STARD13: variants seen among roughly 807,000 people sequenced by gnomAD.
STARD13 encodes the protein StAR related lipid transfer domain containing 13, also known as stAR-related lipid transfer protein 13.
Under a neutral mutation model 106.4 loss-of-function variants are expected in STARD13, and 62 were observed. The observed-to-expected ratio is 0.58, with a 90% CI of 0.48 to 0.72. STARD13 has a LOEUF of 0.72. Ranked by LOEUF, STARD13 falls within the 30% of genes least tolerant of loss-of-function variation. STARD13 has a pLI of 0.00. For synonymous variants in STARD13, 565 were observed against 553.0 expected, an observed-to-expected ratio of 1.02 and a Z score of -0.31; for missense variants, 1,387 against 1,424.0, an observed-to-expected ratio of 0.97 and a Z score of 0.42.
chr13:33,513,328 TAAG>T, the STARD13 span, among the ~76,000 whole-genome samples: 1 of 152,092 alleles, frequency 6.6e-6, no homozygotes, highest in Non-Finnish European at 1.5e-5. Flanking sequence ...TAGAAGAAAA[TAAG>T]AAGACACTTG....
the STARD13 span, among the ~76,000 whole-genome samples, chr13:33,433,924 A>G: frequency 6.6e-6 from 1 of 152,018 alleles, no homozygotes; most frequent in Non-Finnish European, 1.5e-5. Flanking sequence ...CACAATGCCC[A>G]CTCAATAAAT....
At chr13:33,436,613 A>G in the STARD13 span, among the ~76,000 whole-genome samples, 1 of 152,228 alleles carries the variant, frequency 6.6e-6, no homozygotes, top group Non-Finnish European at 1.5e-5. Context: ...CATAATAGGC[A>G]TAAACTGGGA....
chr13:33,322,311 C>G (rs538014008), intron 1 of STARD13, among the ~76,000 whole-genome samples: 5 of 152,296 alleles, frequency 3.3e-5, no homozygotes, highest in East Asian at 1.9e-4. Flanking sequence ...CTAACATGAG[C>G]CTTCCAAACA....
rs376129084 is a variant in STARD13, at chr13:33,145,211, C to T, written c.324-2838G>A. Among the ~76,000 whole-genome samples, 67 of 152,264 alleles carry T rather than the reference C, an allele frequency of 4.4e-4. No homozygotes were observed. The South Asian group carries it at 0.012, about 28-fold the overall frequency. ...TCAAACAACCTGATTTTCAAATGGG[C>T]AGAATATTCAAACAGATACTTCTAA... is the stretch of plus-strand genomic sequence containing the variant. On this transcript the variant is annotated intron_variant, in intron 3 of 13. Coordinates refer to ENST00000336934, the MANE Select transcript of STARD13 (RefSeq NM_178006.4).
intron 1 of STARD13, among the ~76,000 whole-genome samples, chr13:33,267,497 G>A (rs997798947): frequency 6.6e-6 from 1 of 152,180 alleles, no homozygotes; most frequent in Non-Finnish European, 1.5e-5. Flanking sequence ...CTCAGAGCCT[G>A]TTTAAGGTCC....
the STARD13 span, among the ~76,000 whole-genome samples, chr13:33,469,801 T>C: frequency 6.6e-6 from 1 of 151,986 alleles, no homozygotes; most frequent in Non-Finnish European, 1.5e-5. Context: ...GGTCACCTGA[T>C]CACAGATATC....
At chr13:33,540,516 C>T in the STARD13 span, among the ~76,000 whole-genome samples, 2 of 152,192 alleles carry the variant, frequency 1.3e-5, no homozygotes, top group African/African-American at 4.8e-5. Flanking sequence ...TTTCATCACA[C>T]TACTTAGAAC....
chr13:33,468,428 G>A, the STARD13 span, among the ~76,000 whole-genome samples: 1 of 152,204 alleles, frequency 6.6e-6, no homozygotes, highest in Non-Finnish European at 1.5e-5. Context: ...AAATGTGGAA[G>A]TGTTGAGAGG....
the STARD13 span, among the ~76,000 whole-genome samples, chr13:33,435,871 T>C: frequency 6.6e-6 from 1 of 152,218 alleles, no homozygotes; most frequent in Admixed American, 6.5e-5. Flanking sequence ...TCGGCTCAGA[T>C]ATTTGTCACT....
chr13:33,364,888 C>CAA, the STARD13 span, among the ~76,000 whole-genome samples: 29 of 149,970 alleles, frequency 1.9e-4, no homozygotes, highest in African/African-American at 6.1e-4. Flanking sequence ...GACTCCGTCT[C>CAA]AAAAAAAAAG....
intron 1 of STARD13, among the ~76,000 whole-genome samples, chr13:33,249,155 C>G (rs1032830087): frequency 6.6e-6 from 1 of 152,144 alleles, no homozygotes; most frequent in Non-Finnish European, 1.5e-5. Context: ...GTTGGGAACA[C>G]GATAACATCA....
chr13:33,129,975 C>T lies in STARD13; in HGVS notation c.702G>A (p.Gln234=). ...DAPLVSSSLP[Q]PPRDVLNHPF... ...GGTGGTTGAGGACATCTCTGGGGGG[C>T]TGTGGGAGGCTGCTGCTGACGAGTG... The change falls in exon 5 of 14, where the codon CAG becomes CAA. Residue 234 remains glutamine (Q), a synonymous_variant. Transcript: ENST00000336934. 1.9e-6 allele frequency: 3 copies of T among 1,613,152 alleles called. No individual in the cohort carries two copies. The highest frequency in any genetic ancestry group is 1.7e-6 in the Non-Finnish European group (2 of 1,179,756).
At chr13:33,309,967 T>A (rs1447396799) in intron 1 of STARD13, among the ~76,000 whole-genome samples, 1 of 152,202 alleles carries the variant, frequency 6.6e-6, no homozygotes, top group Non-Finnish European at 1.5e-5. Context: ...TCTGATTCAT[T>A]TTTTACAACT....
At chr13:33,447,940 C>T in the STARD13 span, among the ~76,000 whole-genome samples, 1 of 151,970 alleles carries the variant, frequency 6.6e-6, no homozygotes, top group Non-Finnish European at 1.5e-5. Flanking sequence ...ATAATAAGCA[C>T]AATTAATTTT....
At chr13:33,388,481 G>A in the STARD13 span, among the ~76,000 whole-genome samples, 1 of 152,178 alleles carries the variant, frequency 6.6e-6, no homozygotes, top group Non-Finnish European at 1.5e-5. Flanking sequence ...TGGATTTGGA[G>A]GAGCTCTTTA....
the STARD13 span, among the ~76,000 whole-genome samples, chr13:33,630,937 T>C: frequency 6.6e-6 from 1 of 152,220 alleles, no homozygotes; most frequent in South Asian, 2.1e-4. Context: ...CAGATCTTCC[T>C]AAGCAGTAAT....
chr13:33,443,110 G>T, the STARD13 span, among the ~76,000 whole-genome samples: 2 of 152,240 alleles, frequency 1.3e-5, no homozygotes, highest in East Asian at 1.9e-4. Flanking sequence ...TGGGCGCAGT[G>T]GCTCACCCCT....
chr13:33,608,080 T>A, the STARD13 span, among the ~76,000 whole-genome samples: 1 of 152,184 alleles, frequency 6.6e-6, no homozygotes, highest in Non-Finnish European at 1.5e-5. Context: ...CTTTTTTTCT[T>A]ATTTTTTGTA....
At chr13:33,534,890 AAAG>A in the STARD13 span, among the ~76,000 whole-genome samples, 86 of 152,344 alleles carry the variant, frequency 5.6e-4, no homozygotes, top group Non-Finnish European at 1.1e-3. Flanking sequence ...TTTCTTGATG[AAAG>A]AAGATGTTAT....
Sources: allele counts gnomAD v4.1 joint callset (sites outside exome capture counted in the v4.1 genomes callset), GRCh38; gene constraint gnomAD v4.1.1; transcripts MANE v1.5; gene names NCBI Gene and HGNC (gene_info 2026-07-23, HGNC 2026-07-21).